SH3TC1: variants seen among roughly 807,000 people sequenced by gnomAD.
The protein encoded by SH3TC1 is SH3 domain and tetratricopeptide repeat-containing protein 1.
Under a neutral mutation model 117.3 loss-of-function variants are expected in SH3TC1, and 135 were observed. The observed-to-expected ratio is 1.15, with a 90% confidence interval of 1.00 to 1.33. The LOEUF (loss-of-function observed/expected upper bound fraction) is 1.33, where lower values mean the gene tolerates loss of function less well. Ranked by LOEUF, SH3TC1 falls within the 40% of genes most tolerant of loss-of-function variation. SH3TC1 has a pLI of 0.00. For missense variants in SH3TC1, 2,092 were observed against 1,794.3 expected (o/e 1.17, Z -3.00); for synonymous variants, 898 against 816.9 (o/e 1.10, Z -1.69).
At chr4:8,230,382 C>T (rs1052865633) in intron 12 of SH3TC1, among the ~76,000 whole-genome samples, 1 of 152,116 alleles carries the variant, frequency 6.6e-6, no homozygotes, top group Non-Finnish European at 1.5e-5. Flanking sequence ...GCGATCCTCC[C>T]ACCTCGGCCT....
At chr4:8,187,830 G>A (rs1052132414) in intron 1 of SH3TC1, among the ~76,000 whole-genome samples, 3 of 152,136 alleles carry the variant, frequency 2.0e-5, no homozygotes, top group Non-Finnish European at 4.4e-5. Context: ...GATTACAGGC[G>A]TGAGCCACCG....
At chr4:8,214,423 G>A (rs564260292) in intron 4 of SH3TC1, 52 bp from the exon 5 acceptor site, 1 of 1,545,760 alleles carries the variant, frequency 6.5e-7, no homozygotes, top group South Asian at 1.1e-5. Context: ...CCTCCTGACA[G>A]ATGCCCCAGA....
chr4:8,206,454 C>T lies in SH3TC1; in HGVS notation c.172+1088C>T, dbSNP rs1459206571. On this transcript the variant is annotated intron_variant, in intron 2 of 17. Coordinates refer to ENST00000245105, the MANE Select transcript of SH3TC1 (RefSeq NM_018986.5). The surrounding 1 kb of genome is among the most constrained non-coding windows in gnomAD (Gnocchi z 5.5). The stretch of plus-strand genomic sequence containing the variant: ...CTGAGACGCGCAGGAGGGCCCTGGC[C>T]AGCCTCCCACAGAGCCGCGGGGCCC... Among the ~76,000 whole-genome samples the T allele has an allele frequency of 6.6e-6, 1 of 152,112 alleles. No homozygotes were observed. Among genetic ancestry groups the T allele is most frequent in the African/African-American group, 2.4e-5 (1 of 41,426 alleles).
Position 8,232,003 on chromosome 4 carries a change from G to A in SH3TC1, c.2978G>A (p.Cys993Tyr). The change falls in exon 13 of 18, where the codon TGC (cysteine) becomes TAC (tyrosine). Residue 993 changes from cysteine (C) to tyrosine (Y), a missense_variant. Transcript: ENST00000245105. ...CAGCTGCGGGCCGTCCAGCGGCTGTGCCACTTCTACAGCGCCGTCATGCCC... is the reference window on the plus strand; with the variant it reads ...CAGCTGCGGGCCGTCCAGCGGCTGTACCACTTCTACAGCGCCGTCATGCCC... ...ESQLRAVQRLCHFYSAVMPSE... is the reference protein window; with the variant it reads ...ESQLRAVQRLYHFYSAVMPSE... The A allele has an allele frequency of 6.2e-7, 1 of 1,612,388 alleles. No homozygotes were observed. Among genetic ancestry groups the A allele is most frequent in the South Asian group, 1.1e-5 (1 of 91,084 alleles).
intron 13 of SH3TC1, chr4:8,232,556 G>T: frequency 5.9e-6 from 8 of 1,362,806 alleles, no homozygotes; most frequent in Non-Finnish European, 7.8e-6. Context: ...GCCACCTGTG[G>T]CTTCTCTCCC....
Position 8,210,724 on chromosome 4 carries a change from C to T in SH3TC1, c.247+902C>T, listed in dbSNP as rs902655410. Among the ~76,000 whole-genome samples, 5 of 119,938 alleles carry T rather than the reference C, an allele frequency of 4.2e-5. No homozygotes were observed. The highest frequency in any genetic ancestry group is 8.0e-5 in the Non-Finnish European group (5 of 62,174). 78.7% of individuals were successfully genotyped at this position (119,938 alleles called of 152,430 possible). The stretch of plus-strand genomic sequence containing the variant: ...GTAGTGAGCCGAGATTGCGCCATTG[C>T]ACTCCAGCCTGGGCAACTTCTGAAA... On this transcript the variant is annotated intron_variant, in intron 3 of 17. Coordinates refer to ENST00000245105, the MANE Select transcript of SH3TC1 (RefSeq NM_018986.5). This position sits in a 1 kb window ranked among gnomAD's most constrained non-coding sequence, Gnocchi z 4.1.
Position 8,231,833 on chromosome 4 carries a change from C to T in SH3TC1, c.2951-143C>T, listed in dbSNP as rs1034508250. ...TCTGCACCAAGCTGTGCCCATGTCA[C>T]GGTGTGCTCAGCGGTTCCCCGCCTG... On this transcript the variant is annotated intron_variant, in intron 12 of 17. Transcript: ENST00000245105. 7.5e-5 allele frequency: 66 copies of T among 879,710 alleles called. No homozygotes were observed. The African/African-American group carries it at 9.1e-4, about 12-fold the overall frequency. 54.5% of individuals were successfully genotyped at this position (879,710 alleles called of 1,614,324 possible). A position where few individuals can be genotyped will look rare whatever the true frequency, so the allele number is the denominator to read the frequency against.
At chr4:8,217,589 T>G (rs1391532805) in intron 7 of SH3TC1, among the ~76,000 whole-genome samples, 1 of 152,220 alleles carries the variant, frequency 6.6e-6, no homozygotes, top group African/African-American at 2.4e-5. Flanking sequence ...CGGGGGGCAT[T>G]AACTTGGGTT....
In SH3TC1 at chr4:8,240,711, C is replaced by G. The variant is rs200316926; in HGVS notation, c.3767C>G (p.Ala1256Gly). The G allele has an allele frequency of 8.1e-6, 13 of 1,614,046 alleles. No homozygotes were observed. The highest frequency in any genetic ancestry group is 2.7e-5 in the African/African-American group (2 of 75,064). Residue 1256 changes from alanine (A) to glycine (G), a missense_variant, in exon 18 of 18, where the codon GCA becomes GGA. Transcript: ENST00000245105. ...TGTCCCCTTCAGGACCCGTTTGATGCAGCCGGGTACTACCAGCTGGCGCTG... is the reference window on the plus strand; with the variant it reads ...TGTCCCCTTCAGGACCCGTTTGATGGAGCCGGGTACTACCAGCTGGCGCTG... ...IFYDLKDPFDAAGYYQLALAA... is the reference protein window; with the variant it reads ...IFYDLKDPFDGAGYYQLALAA...
At chr4:8,204,848 C>T (rs140830384) in intron 1 of SH3TC1, 53 of 214,162 alleles carry the variant, frequency 2.5e-4, no homozygotes, top group Non-Finnish European at 3.7e-4. Context: ...AGGCAGTGAC[C>T]GGCTCCTGAG....
intron 1 of SH3TC1, among the ~76,000 whole-genome samples, chr4:8,203,565 C>T (rs1026841949): frequency 3.9e-5 from 6 of 151,992 alleles, no homozygotes; most frequent in Non-Finnish European, 5.9e-5. Flanking sequence ...TGAGATTTTC[C>T]GTGCTGCTGT....
rs551774383 is a variant in SH3TC1, at chr4:8,218,532, G to A, written c.916+185G>A. Among the ~76,000 whole-genome samples the A allele has an allele frequency of 5.9e-5, 9 of 152,308 alleles. No homozygotes were observed. The East Asian group carries it at 1.2e-3, about 20-fold the overall frequency. On this transcript the variant is annotated intron_variant, in intron 8 of 17. Coordinates refer to ENST00000245105, the MANE Select transcript of SH3TC1 (RefSeq NM_018986.5). ...AACCGCAATTACTTTTGTACCAACCGAGTCTTCTCCAGCTTGTGAGGTCAT... is the reference window on the plus strand; with the variant it reads ...AACCGCAATTACTTTTGTACCAACCAAGTCTTCTCCAGCTTGTGAGGTCAT...
At chr4:8,189,072 T>C (rs1328878545) in intron 1 of SH3TC1, among the ~76,000 whole-genome samples, 2 of 152,254 alleles carry the variant, frequency 1.3e-5, no homozygotes, top group Non-Finnish European at 2.9e-5. Flanking sequence ...AGAAGTGCAC[T>C]TGACTGGGCT....
intron 9 of SH3TC1, among the ~76,000 whole-genome samples, chr4:8,221,347 G>A (rs943082892): frequency 6.6e-6 from 1 of 152,298 alleles, no homozygotes; most frequent in Admixed American, 6.5e-5. Flanking sequence ...GAGAAATTCT[G>A]ACTTCTCTCA....
In SH3TC1 at chr4:8,190,237, G is replaced by A. The variant is rs1717374757; in HGVS notation, c.-57+8027G>A. 1.3e-5 allele frequency among the ~76,000 whole-genome samples: 2 copies of A among 152,118 alleles called. No homozygotes were observed. Among genetic ancestry groups the A allele is most frequent in the African/African-American group, 2.4e-5 (1 of 41,432 alleles). On this transcript the variant is annotated intron_variant, in intron 1 of 16. Transcript: ENST00000508641. The surrounding 1 kb of genome is among the most constrained non-coding windows in gnomAD (Gnocchi z 4.7). ...CTCTGCCTGCTGTGACCTCAGCCTC[G>A]GAGCCTCGAGCTCCCAGGAGATGGC...
rs201654559 is a variant in SH3TC1, at chr4:8,217,139, G to A, written c.811G>A (p.Ala271Thr). Reference protein sequence around the residue: ...VSSEEVAVAAAPEPLIPFHQW... With the variant: ...VSSEEVAVAATPEPLIPFHQW... The stretch of plus-strand genomic sequence containing the variant: ...CTCCGAGGAGGTGGCAGTGGCGGCC[G>A]CCCCGGAGCCTTTGATTCCATTTCA... The change falls in exon 7 of 18, where the codon GCC becomes ACC. Residue 271 changes from alanine (A) to threonine (T), a missense_variant. Ala to Thr is a moderately conservative substitution (Grantham distance 58). Coordinates refer to ENST00000245105, the MANE Select transcript of SH3TC1 (RefSeq NM_018986.5). The A allele has an allele frequency of 1.1e-4, 184 of 1,611,224 alleles. No individual in the cohort carries two copies. The highest frequency in any genetic ancestry group is 1.5e-4 in the Non-Finnish European group (181 of 1,179,010).
chr4:8,220,511 G>T (rs750417504), intron 9 of SH3TC1, among the ~76,000 whole-genome samples: 2 of 152,168 alleles, frequency 1.3e-5, no homozygotes, highest in African/African-American at 2.4e-5. Context: ...TGTTCTCACT[G>T]CCCAGTGCGA....
At position 8,186,022 on chromosome 4, in the gene SH3TC1, G is replaced by T. The variant is rs1717209543; in HGVS notation, c.-57+3812G>T. 6.6e-6 allele frequency among the ~76,000 whole-genome samples: 1 copy of T among 152,198 alleles called. No homozygotes were observed. The highest frequency in any genetic ancestry group is 2.4e-5 in the African/African-American group (1 of 41,446). The stretch of plus-strand genomic sequence containing the variant: ...GCACTCCCTGACAGGGGGACATTGA[G>T]CAACATTTCCTACATTTTACGGTGA... On this transcript the variant is annotated intron_variant, in intron 1 of 16. Coordinates refer to the SH3TC1 transcript ENST00000508641. The surrounding 1 kb of genome is among the most constrained non-coding windows in gnomAD (Gnocchi z 5.2).
At chr4:8,204,888 C>T (rs77616041) in intron 1 of SH3TC1, 3,272 of 274,852 alleles carry the variant, frequency 0.012, 107 homozygotes, top group African/African-American at 0.067. Context: ...GGGGTTCTGC[C>T]TCGACAGGGA....
Sources: gnomAD v4.1 joint callset for allele counts (sites outside exome capture counted in the v4.1 genomes callset) on GRCh38, gnomAD v4.1.1 for gene constraint, Gnocchi (gnomAD v3.1) non-coding constraint, MANE v1.5 for transcripts, NCBI Gene and HGNC (gene_info 2026-07-23, HGNC 2026-07-21) for gene names.